The following RASSF4 variants were observed in gnomAD, a reference collection of about 807,000 sequenced individuals.
RASSF4 encodes ras association domain-containing protein 4.
In RASSF4, 38 loss-of-function variants were observed where a neutral mutation model predicts 41.1. That is an observed-to-expected ratio of 0.92 (90% confidence interval 0.71 to 1.21). The LOEUF is 1.21. Among genes scored for constraint, RASSF4 ranks in the 50% most tolerant of loss-of-function variants. The pLI is 0.00. For synonymous variants in RASSF4, 179 were observed against 163.4 expected (o/e 1.10, Z -0.73); for missense variants, 414 against 419.4 (o/e 0.99, Z 0.11).
At chr10:44,984,755 G>A (rs1281159812) in intron 5 of RASSF4, 58 bp from the exon 6 acceptor site, 2 of 1,590,240 alleles carry the variant, frequency 1.3e-6, no homozygotes, top group Admixed American at 3.4e-5. Flanking sequence ...CCCGACAGCA[G>A]GCAGTTGCTC....
intron 1 of RASSF4, among the ~76,000 whole-genome samples, chr10:44,965,905 A>G (rs1356206720): frequency 1.3e-5 from 2 of 152,168 alleles, no homozygotes; most frequent in Non-Finnish European, 2.9e-5. Context: ...GAGACACTCA[A>G]CACGTTGGTT....
intron 3 of RASSF4, among the ~76,000 whole-genome samples, chr10:44,973,715 CT>C (rs1480148133): frequency 2.0e-5 from 3 of 152,212 alleles, no homozygotes; most frequent in African/African-American, 7.2e-5. Context: ...AGATAATCCC[CT>C]CTGTAGGAAC....
chr10:44,977,549 G>T (rs1160676317), intron 3 of RASSF4: 2 of 1,613,458 alleles, frequency 1.2e-6, no homozygotes, highest in South Asian at 2.2e-5. Flanking sequence ...TCTTGCCAGG[G>T]AATGCCCAGG....
chr10:44,984,889 G>A lies in RASSF4; in HGVS notation c.450G>A (p.Arg150=). ...ACGCCAGTTGCATGAGCCAGAGGAG[G>A]CCCAAGTGCCGCGCCCCCGGTGAGG... ...KSDASCMSQR[R]PKCRAPGEAQ... The change falls in exon 6 of 11, where the codon AGG becomes AGA. Residue 150 remains arginine (R), a synonymous_variant. Coordinates refer to ENST00000340258, the MANE Select transcript of RASSF4 (RefSeq NM_032023.4). 6.2e-7 allele frequency: 1 copy of A among 1,613,562 alleles called. No homozygotes were observed. The highest frequency in any genetic ancestry group is 8.5e-7 in the Non-Finnish European group (1 of 1,180,018).
intron 1 of RASSF4, among the ~76,000 whole-genome samples, chr10:44,960,168 T>G (rs1338266284): frequency 6.6e-6 from 1 of 152,230 alleles, no homozygotes; most frequent in Non-Finnish European, 1.5e-5. Flanking sequence ...CTAGAAGCAC[T>G]GATCCTAGAG....
At chr10:44,977,791 C>A (rs1588822457) in intron 3 of RASSF4, 1 of 1,600,424 alleles carries the variant, frequency 6.2e-7, no homozygotes, top group East Asian at 2.2e-5. Flanking sequence ...CTCGCAGGGA[C>A]ACAGCAGGGC....
chr10:44,982,745 C>G (rs1841769619), intron 4 of RASSF4, 82 bp downstream of exon 4: 15 of 1,477,094 alleles, frequency 1.0e-5, no homozygotes, highest in Non-Finnish European at 1.4e-5. Flanking sequence ...GGTGGGAGCC[C>G]TGTTCCCTTA....
At chr10:44,965,861 G>A (rs1309637155) in intron 1 of RASSF4, among the ~76,000 whole-genome samples, 1 of 152,220 alleles carries the variant, frequency 6.6e-6, no homozygotes, top group African/African-American at 2.4e-5. Context: ...CCTCTGAGCA[G>A]GTGCCCCCAG....
At chr10:44,978,794 C>T (rs1391734946) in intron 3 of RASSF4, 2 of 152,252 alleles carry the variant, frequency 1.3e-5, no homozygotes, top group African/African-American at 2.4e-5. Context: ...GTAGCAGGCT[C>T]TTCCCTGAGC....
At position 44,991,066 on chromosome 10, in the gene RASSF4, TG is replaced by T; in HGVS notation, c.805del (p.Glu269LysfsTer20). On this transcript the variant is annotated frameshift_variant and splice_region_variant, in exon 9 of 11. Transcript: ENST00000340258. LOFTEE classifies it high-confidence loss of function. ...CTGACTTGGGCGTGGAAGTCCCCCA[TG>T]AAGTGAGTGGGGGCCAAGGCTGGGG... ...EADLGVEVPH[E>X]VAQYIKFEMP... 6.2e-7 allele frequency: 1 copy of T among 1,611,890 alleles called. No homozygotes were observed. The highest frequency in any genetic ancestry group is 8.5e-7 in the Non-Finnish European group (1 of 1,178,618).
At chr10:44,983,577 A>C in intron 4 of RASSF4, 1 of 185,750 alleles carries the variant, frequency 5.4e-6, no homozygotes. Context: ...GCCCAGCACT[A>C]GCTACCCTGG....
At chr10:44,966,081 C>T (rs971519901) in intron 1 of RASSF4, among the ~76,000 whole-genome samples, 4 of 152,196 alleles carry the variant, frequency 2.6e-5, no homozygotes, top group African/African-American at 9.7e-5. Context: ...GTTTTGCATA[C>T]ATTTTCTATT....
chr10:44,983,836 G>C (rs943707272), intron 4 of RASSF4, 186 bp from the exon 5 acceptor site: 5 of 1,001,432 alleles, frequency 5.0e-6, no homozygotes, highest in African/African-American at 3.3e-5. Flanking sequence ...GCAGATGCTG[G>C]GGGGAGGCCT....
rs769258570 is a variant in RASSF4 at position 44,989,344 on chromosome 10, A to G, written c.602A>G (p.Gln201Arg). The G allele has an allele frequency of 1.9e-6, 3 of 1,613,722 alleles. No homozygotes were observed. The Admixed American group carries it at 5.0e-5, about 27-fold the overall frequency. ...VRVNSTMTTL[Q>R]VLTLLLNKFR... ...GTCAACAGCACCATGACAACCCTGC[A>G]GGTGCTCACCCTGCTGCTGAACAAA... is the stretch of plus-strand genomic sequence containing the variant. The change falls in exon 7 of 11, where the codon CAG (glutamine) becomes CGG (arginine). Residue 201 changes from glutamine to arginine, a missense_variant. Physicochemically the swap from Gln to Arg is conservative, Grantham distance 43. Transcript: ENST00000340258.
intron 1 of RASSF4, among the ~76,000 whole-genome samples, chr10:44,965,990 G>A (rs1375491528): frequency 6.6e-6 from 1 of 152,200 alleles, no homozygotes; most frequent in African/African-American, 2.4e-5. Flanking sequence ...TGCTTTTCAA[G>A]TAGTATTACC....
chr10:44,977,244 C>T (rs539641422), intron 3 of RASSF4: 12 of 961,288 alleles, frequency 1.2e-5, no homozygotes, highest in African/African-American at 8.2e-5. Flanking sequence ...CAGAGGGGGT[C>T]GGTCTCACTG....
intron 3 of RASSF4, chr10:44,978,297 C>G (rs1841541516): frequency 2.3e-6 from 1 of 440,278 alleles, no homozygotes; most frequent in African/African-American, 2.1e-5. Flanking sequence ...GAGAACCTAA[C>G]CTAACAAACA....
chr10:44,985,278 T>C (rs1736983321), intron 6 of RASSF4, among the ~76,000 whole-genome samples: 1 of 152,134 alleles, frequency 6.6e-6, no homozygotes, highest in Non-Finnish European at 1.5e-5. Context: ...CGAACTCGAT[T>C]GGTTGATCCC....
At chr10:44,970,090 C>T in intron 1 of RASSF4, 75 bp from the exon 2 acceptor site, 1 of 843,532 alleles carries the variant, frequency 1.2e-6, no homozygotes, top group Admixed American at 1.9e-5. Context: ...TGTGCCAGGG[C>T]TGCGGGTGTT....
Sources: gnomAD v4.1 joint callset for allele counts (sites outside exome capture counted in the v4.1 genomes callset) on GRCh38, gnomAD v4.1.1 for gene constraint, MANE v1.5 for transcripts, NCBI Gene and HGNC (gene_info 2026-07-23, HGNC 2026-07-21) for gene names.